CARD16: variants seen among roughly 807,000 people sequenced by gnomAD.
CARD16 encodes the protein caspase recruitment domain family member 16.
Under a neutral mutation model 11.9 loss-of-function variants are expected in CARD16, and 8 were observed. The observed-to-expected ratio is 0.67, with a 90% CI of 0.39 to 1.21. The LOEUF is 1.21. Ranked by LOEUF, CARD16 falls within the 50% of genes most tolerant of loss-of-function variation. CARD16 has a pLI of 0.01. For synonymous variants in CARD16, 44 were observed against 43.8 expected, an observed-to-expected ratio of 1.00 and a Z score of -0.02; for missense variants, 131 against 118.1, an observed-to-expected ratio of 1.11 and a Z score of -0.51.
chr11:105,041,746 C>A, intron 3 of CARD16, 27 bp from the exon 4 acceptor site: 4 of 1,604,468 alleles, frequency 2.5e-6, no homozygotes, highest in Non-Finnish European at 3.4e-6. Flanking sequence ...ATATCATGAA[C>A]AGTGGTATCC....
At position 105,044,485 on chromosome 11, in the gene CARD16, C is replaced by A; in HGVS notation, c.181G>T (p.Val61Phe). The change falls in exon 2 of 4, where the codon GTT becomes TTT. Residue 61 changes from valine (V) to phenylalanine (F), a missense_variant. By Grantham distance (50) the Val-to-Phe change is conservative. Transcript: ENST00000673097. The stretch of plus-strand genomic sequence containing the variant: ...CATGCCTGTGCCCCTTTCGGAATAA[C>A]GGAGTCAATCAAAGCTCGGGTCTTA... ...MDKTRALIDS[V>F]IPKGAQACQI... The A allele has an allele frequency of 6.2e-7, 1 of 1,614,080 alleles. No homozygotes were observed.
rs1241820771 is a variant in CARD16, at chr11:105,043,546, C to T, written c.275-1G>A. The T allele has an allele frequency of 2.7e-5, 44 of 1,604,666 alleles. No homozygotes were observed. In the Admixed American group the frequency reaches 7.4e-4, roughly 27 times the overall value. On this transcript the variant is annotated splice_acceptor_variant, in intron 2 of 3. Coordinates refer to ENST00000673097, the MANE Select transcript of CARD16 (RefSeq NM_052889.4). LOFTEE classifies it high-confidence loss of function. ...CTAAGCTAATTTCCAGGTATCGGAC[C>T]TATAAAAAGATGAAGAACATTGAAA...
chr11:105,044,512 C>G lies in CARD16; in HGVS notation c.154G>C (p.Asp52His). Reference protein sequence around the residue: ...KVKRENATVMDKTRALIDSVI... With the variant: ...KVKRENATVMHKTRALIDSVI... ...GAGTCAATCAAAGCTCGGGTCTTAT[C>G]CATAACTGTAGCATTTTCACGTTTT... Residue 52 changes from aspartate to histidine, a missense_variant, in exon 2 of 4, where the codon GAT (aspartate) becomes CAT (histidine). Coordinates refer to ENST00000673097, the MANE Select transcript of CARD16 (RefSeq NM_052889.4). 6.2e-7 allele frequency: 1 copy of G among 1,614,088 alleles called. No homozygotes were observed. Among genetic ancestry groups the G allele is most frequent in the Non-Finnish European group, 8.5e-7 (1 of 1,179,978 alleles).
At chr11:105,045,116 T>C (rs1864176765) in intron 1 of CARD16, 175 bp downstream of exon 1, 1 of 907,976 alleles carries the variant, frequency 1.1e-6, no homozygotes, top group South Asian at 1.5e-5. Context: ...GGCTTGCCTT[T>C]TCTTTCTAAA....
At position 105,044,149 on chromosome 11, in the gene CARD16, C is replaced by T; in HGVS notation, c.274+243G>A. 9.8e-6 allele frequency: 6 copies of T among 614,852 alleles called. No homozygotes were observed. The South Asian group carries it at 1.3e-4, about 13-fold the overall frequency. The allele number at this position is 614,852 out of a possible 1,614,324, so 38.1% of individuals were successfully genotyped here. On this transcript the variant is annotated intron_variant, in intron 2 of 3. Coordinates refer to ENST00000673097, the MANE Select transcript of CARD16 (RefSeq NM_052889.4). ...AAGCTTTCTAGATAGTTCTCATGAC[C>T]TTAAGGAAATTAGCTACCATGTACT... is the stretch of plus-strand genomic sequence containing the variant.
Position 105,043,538 on chromosome 11 carries a change from T to C in CARD16, c.282A>G (p.Ile94Met). The C allele has an allele frequency of 6.2e-7, 1 of 1,607,238 alleles. No individual in the cohort carries two copies. The highest frequency in any genetic ancestry group is 1.3e-5 in the African/African-American group (1 of 74,808). ...AETLGLSAGPIPGN is the reference protein window; with the variant it reads ...AETLGLSAGPMPGN ...CTTGTGTACTAAGCTAATTTCCAGG[T>C]ATCGGACCTATAAAAAGATGAAGAA... The change falls in exon 3 of 4, where the codon ATA becomes ATG. Residue 94 changes from isoleucine to methionine, a missense_variant. Physicochemically the swap from Ile to Met is conservative, Grantham distance 10. Transcript: ENST00000673097.
chr11:105,041,655 C>G lies in CARD16; in HGVS notation c.*108G>C. On this transcript the variant is annotated 3_prime_UTR_variant, in exon 4 of 4. Coordinates refer to ENST00000673097, the MANE Select transcript of CARD16 (RefSeq NM_052889.4). ...TTTGAGCGTCTTCTAGAAAGCAAAG[C>G]TTGATTCTGCCTTCTGGGCTTGAGC... is the stretch of plus-strand genomic sequence containing the variant. The G allele has an allele frequency of 1.2e-6, 2 of 1,614,032 alleles. No individual in the cohort carries two copies. The highest frequency in any genetic ancestry group is 8.5e-7 in the Non-Finnish European group (1 of 1,179,934).
Position 105,044,425 on chromosome 11 carries a change from T to C in CARD16, c.241A>G (p.Ser81Gly), listed in dbSNP as rs375916476. 1.2e-5 allele frequency: 19 copies of C among 1,613,980 alleles called. No homozygotes were observed. The African/African-American group carries it at 2.0e-4, about 17-fold the overall frequency. ...AGTCCCAGCGTCTCTGCCAGGTAAC[T>C]GTCTTCTTCACAAATGTATGTGATG... ...ICITYICEED[S>G]YLAETLGLSA... The change falls in exon 2 of 4, where the codon AGT (serine) becomes GGT (glycine). Residue 81 changes from serine to glycine, a missense_variant. Transcript: ENST00000673097.
intron 3 of CARD16, among the ~76,000 whole-genome samples, chr11:105,042,931 G>T (rs112916772): frequency 6.6e-6 from 1 of 152,022 alleles, no homozygotes; most frequent in Admixed American, 6.6e-5. Flanking sequence ...TTATTTTAAG[G>T]GGGGCACTTA....
At chr11:105,041,780 T>C in intron 3 of CARD16, 61 bp from the exon 4 acceptor site, 1 of 1,485,258 alleles carries the variant, frequency 6.7e-7, no homozygotes, top group African/African-American at 1.4e-5. Context: ...TAGCCTCACC[T>C]ATGGAGGAAG....
chr11:105,045,048 G>T (rs1173003075), intron 1 of CARD16: 5 of 631,174 alleles, frequency 7.9e-6, no homozygotes, highest in South Asian at 2.0e-5. Flanking sequence ...GTAAGCAAGG[G>T]TTTAATTAAG....
Sources: allele counts gnomAD v4.1 joint callset (sites outside exome capture counted in the v4.1 genomes callset), GRCh38; gene constraint gnomAD v4.1.1; transcripts MANE v1.5; gene names NCBI Gene and HGNC (gene_info 2026-07-23, HGNC 2026-07-21).